Variants in PUDP observed in about 807,000 individuals in gnomAD.
The protein encoded by PUDP is pseudouridine 5'-phosphatase, also known as pseudouridine-5'-phosphatase.
A neutral mutation model predicts 9.4 loss-of-function variants in PUDP; 8 were observed. That is an observed-to-expected ratio of 0.85 (90% CI 0.50 to 1.53). The LOEUF (loss-of-function observed/expected upper bound fraction) is 1.53. Ranked by LOEUF, PUDP falls within the 40% of genes most tolerant of loss-of-function variation. The pLI, the probability that PUDP is intolerant of heterozygous loss-of-function variation, is 0.00. For missense variants in PUDP, 188 were observed against 189.7 expected, an observed-to-expected ratio of 0.99 and a Z score of 0.05; for synonymous variants, 99 against 80.7, an observed-to-expected ratio of 1.23 and a Z score of -1.22.
At chrX:7,114,465 G>C (rs1159446855) in intron 1 of PUDP, among the ~76,000 whole-genome samples, 1 of 111,558 alleles carries the variant, frequency 9.0e-6, no homozygotes, top group South Asian at 3.8e-4. Flanking sequence ...ATCCATGAAC[G>C]AAAGGGTCCA....
At chrX:6,892,982 G>T (rs1927537569) in intron 3 of PUDP, among the ~76,000 whole-genome samples, 1 of 111,682 alleles carries the variant, frequency 9.0e-6, no homozygotes, top group Non-Finnish European at 1.9e-5. Context: ...TTTTATGGCA[G>T]GCTGTGCTGA....
chrX:6,981,495 T>C (rs1185469929), intron 1 of PUDP, among the ~76,000 whole-genome samples: 3 of 110,808 alleles, frequency 2.7e-5, no homozygotes, highest in East Asian at 2.8e-4. Context: ...ATTGTTAGTA[T>C]AAAAAAAAAT....
intron 3 of PUDP, among the ~76,000 whole-genome samples, chrX:6,791,445 C>T (rs186816224): frequency 9.0e-6 from 1 of 111,492 alleles, no homozygotes; most frequent in African/African-American, 3.3e-5. Context: ...TGCGAATCTG[C>T]AAAGAGTAAC....
chrX:6,712,987 C>T (rs746193645), intron 1 of PUDP, among the ~76,000 whole-genome samples: 1 of 111,863 alleles, frequency 8.9e-6, no homozygotes, highest in African/African-American at 3.2e-5. Flanking sequence ...GTGGAAGTTT[C>T]GGTGAGCCAA....
intron 3 of PUDP, among the ~76,000 whole-genome samples, chrX:6,879,797 G>A (rs1477024294): frequency 9.0e-6 from 1 of 111,414 alleles, no homozygotes; most frequent in Non-Finnish European, 1.9e-5. Flanking sequence ...GCATGCCCAA[G>A]TTGCACTGAA....
rs189306785 is a variant in PUDP, at chrX:6,835,934, G to A, written c.*248-129468C>T. Among the ~76,000 whole-genome samples, 76 of 109,092 alleles carry A rather than the reference G, an allele frequency of 7.0e-4. 1 individual carries two copies. Among genetic ancestry groups the A allele is most frequent in the Non-Finnish European group, 3.8e-5 (2 of 52,481 alleles). The allele number at this position is 109,092 out of a possible 115,157, so 94.7% of individuals were successfully genotyped here. A position where few individuals can be genotyped will look rare whatever the true frequency, so the allele number is the denominator to read the frequency against. On this transcript the variant is annotated intron_variant and NMD_transcript_variant, in intron 3 of 3. Coordinates refer to the PUDP transcript ENST00000655425. Reference sequence around the variant, plus strand: ...GGGTTTCACCATGTTGGCCTGGCTGGTCTAGAACTCCTGATCTTAAGTGAT... The same window carrying A: ...GGGTTTCACCATGTTGGCCTGGCTGATCTAGAACTCCTGATCTTAAGTGAT...
intron 3 of PUDP, among the ~76,000 whole-genome samples, chrX:7,066,870 CACAT>C (rs908359403): frequency 4.5e-5 from 5 of 112,198 alleles, no homozygotes; most frequent in Admixed American, 9.4e-5. Context: ...CAATCACACA[CACAT>C]AAACACACAC....
At chrX:6,807,725 A>G (rs1926074905) in intron 3 of PUDP, among the ~76,000 whole-genome samples, 1 of 112,023 alleles carries the variant, frequency 8.9e-6, no homozygotes, top group Non-Finnish European at 1.9e-5. Context: ...CGGCCCAAAG[A>G]TCAAAGGTGT....
intron 3 of PUDP, among the ~76,000 whole-genome samples, chrX:6,730,663 G>T (rs1408314087): frequency 8.9e-6 from 1 of 112,167 alleles, no homozygotes; most frequent in African/African-American, 3.2e-5. Flanking sequence ...GGCTGAGGGG[G>T]TGACCTTTCT....
chrX:6,962,333 C>T (rs1480758942), intron 3 of PUDP, among the ~76,000 whole-genome samples: 2 of 112,304 alleles, frequency 1.8e-5, no homozygotes, highest in African/African-American at 6.5e-5. Context: ...GTGTTTGAGT[C>T]TACAAACACA....
At chrX:6,912,517 C>G (rs1927863680) in intron 3 of PUDP, among the ~76,000 whole-genome samples, 1 of 111,909 alleles carries the variant, frequency 8.9e-6, no homozygotes, top group Non-Finnish European at 1.9e-5. Flanking sequence ...TAAGGCATCC[C>G]ACATTTTCTC....
At chrX:6,715,644 C>T (rs918321555) in intron 1 of PUDP, among the ~76,000 whole-genome samples, 1 of 112,361 alleles carries the variant, frequency 8.9e-6, no homozygotes, top group Non-Finnish European at 1.9e-5. Flanking sequence ...AATAGCTCTC[C>T]TTCACAACAT....
chrX:6,972,093 T>A (rs960146240), intron 3 of PUDP, among the ~76,000 whole-genome samples: 1 of 112,335 alleles, frequency 8.9e-6, no homozygotes, highest in African/African-American at 3.2e-5. Context: ...AAGTTGCTTA[T>A]CAGCTTAAGG....
chrX:6,991,828 G>A (rs1929183090), intron 1 of PUDP, among the ~76,000 whole-genome samples: 1 of 108,507 alleles, frequency 9.2e-6, no homozygotes, highest in Admixed American at 9.9e-5. Flanking sequence ...AAATAAAAAG[G>A]AAAAAAGAAA....
At chrX:6,851,243 C>T (rs1442666040) in intron 3 of PUDP, among the ~76,000 whole-genome samples, 1 of 112,272 alleles carries the variant, frequency 8.9e-6, no homozygotes, top group Non-Finnish European at 1.9e-5. Context: ...AAAATCCAAT[C>T]ACTTTTCAAG....
intron 3 of PUDP, among the ~76,000 whole-genome samples, chrX:6,946,019 T>G (rs1467980968): frequency 1.8e-5 from 2 of 110,959 alleles, no homozygotes; most frequent in Non-Finnish European, 3.8e-5. Context: ...TTCCAAAGAC[T>G]CCACTGCTGA....
Position 6,882,765 on chromosome X carries a change from G to A in PUDP, c.*247+94368C>T, listed in dbSNP as rs905174287. Among the ~76,000 whole-genome samples, 8 of 111,212 alleles carry A rather than the reference G, an allele frequency of 7.2e-5. 1 individual carries two copies. Among genetic ancestry groups the A allele is most frequent in the Admixed American group, 4.8e-4 (5 of 10,461 alleles). ...ATCTAGTTGTGCAATTATCCAGGGCGATGATGATGGAAGCAGAAGGAGCAG... is the reference window on the plus strand; with the variant it reads ...ATCTAGTTGTGCAATTATCCAGGGCAATGATGATGGAAGCAGAAGGAGCAG... On this transcript the variant is annotated intron_variant and NMD_transcript_variant, in intron 3 of 3. Transcript: ENST00000655425.
chrX:6,888,576 G>A (rs1163844700), intron 3 of PUDP, among the ~76,000 whole-genome samples: 1 of 110,936 alleles, frequency 9.0e-6, no homozygotes, highest in Non-Finnish European at 1.9e-5. Flanking sequence ...CTTGAACCCG[G>A]AAGGTGGAGG....
intron 3 of PUDP, among the ~76,000 whole-genome samples, chrX:6,922,579 G>A (rs1199549990): frequency 8.1e-5 from 9 of 111,724 alleles, no homozygotes; most frequent in African/African-American, 1.6e-4. Context: ...ATGTTTTCCC[G>A]CTTTTCTTAA....
Sources: gnomAD v4.1 joint callset for allele counts (sites outside exome capture counted in the v4.1 genomes callset) on GRCh38, gnomAD v4.1.1 for gene constraint, MANE v1.5 for transcripts, NCBI Gene and HGNC (gene_info 2026-07-23, HGNC 2026-07-21) for gene names.